The following THSD7B variants were observed in gnomAD, a reference collection of about 807,000 sequenced individuals.
THSD7B encodes the protein thrombospondin type-1 domain-containing protein 7B.
THSD7B carries 138 observed loss-of-function variants against 213.6 expected under a neutral mutation model. The observed-to-expected ratio is 0.65, with a 90% CI of 0.56 to 0.74. THSD7B has a LOEUF of 0.74. THSD7B is among the 30% of genes least tolerant of loss of function. THSD7B has a pLI of 0.00. For synonymous variants in THSD7B, 742 were observed against 687.0 expected (o/e 1.08, Z -1.25); for missense variants, 1,931 against 1,991.5 (o/e 0.97, Z 0.58).
At chr2:137,620,815 G>A in intron 20 of THSD7B, 89 bp downstream of exon 20, 1 of 1,133,888 alleles carries the variant, frequency 8.8e-7, no homozygotes, top group Non-Finnish European at 1.3e-6. Flanking sequence ...CATAAGGTAT[G>A]GGACCCAGCT....
chr2:136,917,101 A>T (rs1030926658), intron 2 of THSD7B, among the ~76,000 whole-genome samples: 2 of 152,202 alleles, frequency 1.3e-5, no homozygotes, highest in Non-Finnish European at 2.9e-5. Context: ...AATAACTTTC[A>T]TCAGAAACAT....
intron 7 of THSD7B, among the ~76,000 whole-genome samples, chr2:137,220,197 C>T (rs1681337762): frequency 6.6e-6 from 1 of 151,504 alleles, no homozygotes; most frequent in Non-Finnish European, 1.5e-5. Flanking sequence ...AAGATGACTT[C>T]AGCAAAATTA....
At chr2:137,359,784 G>A (rs769010369) in intron 12 of THSD7B, among the ~76,000 whole-genome samples, 34 of 152,224 alleles carry the variant, frequency 2.2e-4, no homozygotes, top group Non-Finnish European at 4.7e-4. Context: ...TCTCTTTTAA[G>A]ATTCTGTCTA....
chr2:136,972,800 A>G (rs891477919), intron 2 of THSD7B, among the ~76,000 whole-genome samples: 1 of 152,172 alleles, frequency 6.6e-6, no homozygotes. Context: ...GTAAAATCTC[A>G]GTGCTTGGAC....
chr2:137,184,604 T>C (rs1168968257), intron 7 of THSD7B, among the ~76,000 whole-genome samples: 2 of 152,170 alleles, frequency 1.3e-5, no homozygotes, highest in Admixed American at 1.3e-4. Context: ...TTTTTTAAAA[T>C]TCCACATGTA....
intron 12 of THSD7B, among the ~76,000 whole-genome samples, chr2:137,358,802 A>T (rs145061534): frequency 9.6e-4 from 146 of 152,298 alleles, no homozygotes; most frequent in African/African-American, 3.4e-3. Flanking sequence ...TTCTTATTCA[A>T]TGGCTATTTC....
chr2:137,574,159 T>A (rs1346577959), intron 17 of THSD7B, among the ~76,000 whole-genome samples: 2 of 152,122 alleles, frequency 1.3e-5, no homozygotes, highest in Admixed American at 1.3e-4. Context: ...CACTTCGCAA[T>A]GAAAACATTG....
At chr2:136,937,108 C>A (rs1025098232) in intron 2 of THSD7B, among the ~76,000 whole-genome samples, 2 of 152,044 alleles carry the variant, frequency 1.3e-5, no homozygotes, top group African/African-American at 4.8e-5. Context: ...TATTAACAGT[C>A]TCCCCATTCT....
At chr2:137,579,009 C>A (rs1279072096) in intron 17 of THSD7B, among the ~76,000 whole-genome samples, 1 of 152,110 alleles carries the variant, frequency 6.6e-6, no homozygotes, top group African/African-American at 2.4e-5. Context: ...TATTTCAAAT[C>A]TTGGAATCAT....
chr2:137,209,282 A>T (rs995901242), intron 7 of THSD7B, among the ~76,000 whole-genome samples: 34 of 152,070 alleles, frequency 2.2e-4, no homozygotes, highest in African/African-American at 7.7e-4. Flanking sequence ...ACTTTACTAG[A>T]TTCTGACCTT....
Position 137,115,165 on chromosome 2 carries a change from C to T in THSD7B, c.1241C>T (p.Ser414Phe), listed in dbSNP as rs760705014. 4 of 1,613,842 alleles carry T rather than the reference C, an allele frequency of 2.5e-6. No homozygotes were observed. The highest frequency in any genetic ancestry group is 3.3e-5 in the Admixed American group (2 of 59,994). Reference protein sequence around the residue: ...RTSEWKECQVSLLLEQQDPHW... With the variant: ...RTSEWKECQVFLLLEQQDPHW... ...TCTGAATGGAAAGAATGCCAAGTCT[C>T]TCTCCTCCTCGAGCAGCAGGATCCC... is the stretch of plus-strand genomic sequence containing the variant. The change falls in exon 5 of 28, where the codon TCT (serine) becomes TTT (phenylalanine). Residue 414 changes from serine (S) to phenylalanine (F), a missense_variant. Coordinates refer to ENST00000409968, the MANE Select transcript of THSD7B (RefSeq NM_001316349.2).
intron 11 of THSD7B, among the ~76,000 whole-genome samples, chr2:137,272,946 G>A (rs1356691057): frequency 6.6e-6 from 1 of 151,672 alleles, no homozygotes; most frequent in Non-Finnish European, 1.5e-5. Flanking sequence ...ATGTTCGAAA[G>A]AGATTCAGGA....
chr2:137,077,192 A>G (rs1290917419), intron 3 of THSD7B, among the ~76,000 whole-genome samples: 1 of 152,086 alleles, frequency 6.6e-6, no homozygotes, highest in African/African-American at 2.4e-5. Flanking sequence ...TCCATGGAGT[A>G]TATGTGCCAT....
chr2:137,285,744 T>C (rs1304460401), intron 12 of THSD7B, among the ~76,000 whole-genome samples: 1 of 152,126 alleles, frequency 6.6e-6, no homozygotes, highest in East Asian at 1.9e-4. Flanking sequence ...TGATATGCTT[T>C]ATTTAACACA....
At chr2:137,644,985 A>G (rs952432798) in intron 21 of THSD7B, among the ~76,000 whole-genome samples, 1 of 152,176 alleles carries the variant, frequency 6.6e-6, no homozygotes, top group Non-Finnish European at 1.5e-5. Context: ...GCTAACACAT[A>G]TACACACATA....
intron 15 of THSD7B, among the ~76,000 whole-genome samples, chr2:137,513,889 C>T (rs1384139742): frequency 2.0e-5 from 3 of 152,178 alleles, no homozygotes; most frequent in African/African-American, 7.2e-5. Flanking sequence ...TCAATTGTGC[C>T]AGACACACAT....
chr2:137,357,451 T>A (rs1392855317), intron 12 of THSD7B, among the ~76,000 whole-genome samples: 1 of 152,152 alleles, frequency 6.6e-6, no homozygotes, highest in Admixed American at 6.6e-5. Context: ...TGAGATTATA[T>A]ATCTTATTTA....
intron 10 of THSD7B, among the ~76,000 whole-genome samples, chr2:137,255,156 C>T (rs1221792071): frequency 6.6e-6 from 1 of 152,088 alleles, no homozygotes; most frequent in Non-Finnish European, 1.5e-5. Context: ...TTTCCTTCCA[C>T]CCAAAATCAG....
intron 18 of THSD7B, 40 bp downstream of exon 18, chr2:137,616,356 A>G (rs1682386799): frequency 1.3e-6 from 2 of 1,586,214 alleles, no homozygotes; most frequent in Middle Eastern, 1.7e-4. Flanking sequence ...CTCCCTGAAC[A>G]TTGACTAATG....
Sources: allele counts gnomAD v4.1 joint callset (sites outside exome capture counted in the v4.1 genomes callset), GRCh38; gene constraint gnomAD v4.1.1; transcripts MANE v1.5; gene names NCBI Gene and HGNC (gene_info 2026-07-23, HGNC 2026-07-21).